Variants in TMEM266 observed in about 807,000 individuals in gnomAD.
The protein encoded by TMEM266 is transmembrane protein 266.
TMEM266 carries 33 observed loss-of-function variants against 50.5 expected under a neutral mutation model. That is an observed-to-expected ratio of 0.65 (90% CI 0.50 to 0.87). TMEM266 has a LOEUF of 0.87. TMEM266 is among the 40% of genes least tolerant of loss of function. The probability of loss-of-function intolerance (pLI) is 0.00; values close to 1 mark genes in which losing one functional copy is unlikely to be tolerated. For synonymous variants in TMEM266, 310 were observed against 292.3 expected, an observed-to-expected ratio of 1.06 and a Z score of -0.62; for missense variants, 655 against 695.1, an observed-to-expected ratio of 0.94 and a Z score of 0.65.
chr15:76,204,171 G>C lies in TMEM266; in HGVS notation c.1452G>C (p.Leu484=), dbSNP rs768713193. The change falls in exon 11 of 11, where the codon CTG becomes CTC. Residue 484 remains leucine, a synonymous_variant. Transcript: ENST00000388942. The stretch of plus-strand genomic sequence containing the variant: ...CCGAGCTGGAACACAGGGTAAGTCT[G>C]TTCAACCAGAAGAACCAGGAGGGCT... The C allele has an allele frequency of 6.2e-7, 1 of 1,613,740 alleles. No individual in the cohort carries two copies. The highest frequency in any genetic ancestry group is 8.5e-7 in the Non-Finnish European group (1 of 1,180,014).
intron 7 of TMEM266, 78 bp from the exon 8 acceptor site, chr15:76,175,481 C>T: frequency 8.8e-7 from 1 of 1,139,576 alleles, no homozygotes; most frequent in East Asian, 2.4e-5. Context: ...CTGCTGCTGC[C>T]TGAATGCTGG....
In TMEM266 at chr15:76,161,834, C is replaced by T. The variant is rs1208714166; in HGVS notation, c.456+1666C>T. On this transcript the variant is annotated intron_variant, in intron 5 of 10. Transcript: ENST00000388942. The surrounding 1 kb of genome is among the most constrained non-coding windows in gnomAD (Gnocchi z 4.1). ...TCTGCCCGGCCAGGATTCCCTCCCG[C>T]AAACACATGGGCCGTGGCCAGATGT... is the stretch of plus-strand genomic sequence containing the variant. Among the ~76,000 whole-genome samples, 1 of 152,234 alleles carries T rather than the reference C, an allele frequency of 6.6e-6. No individual in the cohort carries two copies. The highest frequency in any genetic ancestry group is 2.4e-5 in the African/African-American group (1 of 41,454).
chr15:76,137,220 CCA>C (rs1486839273), intron 2 of TMEM266, among the ~76,000 whole-genome samples: 1 of 152,176 alleles, frequency 6.6e-6, no homozygotes, highest in Non-Finnish European at 1.5e-5. Context: ...TCCTCAATCA[CCA>C]CAGTACATCC....
intron 8 of TMEM266, among the ~76,000 whole-genome samples, chr15:76,190,271 C>T (rs2038548381): frequency 6.6e-6 from 1 of 152,174 alleles, no homozygotes; most frequent in South Asian, 2.1e-4. Flanking sequence ...TGCTTGGTAT[C>T]TTTACAGAAC....
intron 1 of TMEM266, among the ~76,000 whole-genome samples, chr15:76,122,332 T>TAAA (rs1273526926): frequency 2.6e-5 from 4 of 152,164 alleles, no homozygotes; most frequent in African/African-American, 9.7e-5. Context: ...AACCACCAGG[T>TAAA]AAAAGGGTAA....
intron 8 of TMEM266, among the ~76,000 whole-genome samples, chr15:76,189,955 C>A (rs900197142): frequency 1.3e-5 from 2 of 152,360 alleles, no homozygotes; most frequent in Admixed American, 1.3e-4. Flanking sequence ...AGAGACCGAA[C>A]CTATAGACAC....
At chr15:76,108,170 A>C (rs2037114537) in intron 1 of TMEM266, among the ~76,000 whole-genome samples, 1 of 152,196 alleles carries the variant, frequency 6.6e-6, no homozygotes, top group African/African-American at 2.4e-5. Flanking sequence ...TGACAACTTG[A>C]GCCATTTCCC....
rs539719249 is a variant in TMEM266 at position 76,090,018 on chromosome 15, A to G, written c.-97+30002A>G. Among the ~76,000 whole-genome samples the G allele has an allele frequency of 3.9e-5, 6 of 152,304 alleles. No individual in the cohort carries two copies. The South Asian group carries it at 6.2e-4, about 16-fold the overall frequency. ...GAAACAGCCTTTGGATGGAGGTAAG[A>G]TAATCAGTTAAGATTTGGATAGACT... On this transcript the variant is annotated intron_variant, in intron 1 of 10. Transcript: ENST00000388942.
intron 8 of TMEM266, among the ~76,000 whole-genome samples, chr15:76,190,384 C>T (rs2038550237): frequency 2.0e-5 from 3 of 152,228 alleles, no homozygotes; most frequent in Admixed American, 1.3e-4. Flanking sequence ...TAAGCCAAAG[C>T]TAAGGAGCTC....
intron 1 of TMEM266, among the ~76,000 whole-genome samples, chr15:76,096,481 T>C (rs1324191588): frequency 6.6e-6 from 1 of 151,804 alleles, no homozygotes; most frequent in Non-Finnish European, 1.5e-5. Context: ...GAGACTGTTA[T>C]GATTTCTGTT....
intron 1 of TMEM266, among the ~76,000 whole-genome samples, chr15:76,115,263 T>C (rs1001513374): frequency 2.0e-5 from 3 of 152,222 alleles, no homozygotes; most frequent in African/African-American, 4.8e-5. Context: ...TGGGAATTCA[T>C]AGGGAACCGT....
At chr15:76,175,959 C>A (rs2038270699) in intron 8 of TMEM266, 1 of 303,970 alleles carries the variant, frequency 3.3e-6, no homozygotes, top group Non-Finnish European at 6.2e-6. Context: ...GCCAAGTCGC[C>A]CCCTCAGTTC....
chr15:76,174,699 G>T (rs1177191675), intron 7 of TMEM266, among the ~76,000 whole-genome samples: 1 of 152,216 alleles, frequency 6.6e-6, no homozygotes, highest in Admixed American at 6.5e-5. Flanking sequence ...CCCTAGGCAA[G>T]CACTAAGCTG....
intron 1 of TMEM266, among the ~76,000 whole-genome samples, chr15:76,063,586 A>G (rs916713509): frequency 6.6e-6 from 1 of 152,064 alleles, no homozygotes; most frequent in African/African-American, 2.4e-5. Flanking sequence ...CTCCCACAGC[A>G]TCCTTTCCTC....
At chr15:76,196,791 G>A (rs2038663569) in intron 9 of TMEM266, among the ~76,000 whole-genome samples, 1 of 152,060 alleles carries the variant, frequency 6.6e-6, no homozygotes, top group Non-Finnish European at 1.5e-5. Context: ...GTTGCCAGCA[G>A]GTCACAGTCA....
chr15:76,187,294 G>A (rs1379744357), intron 8 of TMEM266, among the ~76,000 whole-genome samples: 3 of 152,208 alleles, frequency 2.0e-5, no homozygotes, highest in East Asian at 1.9e-4. Flanking sequence ...GAATTCCAGC[G>A]GGACATTCTT....
rs541730219 is a variant in TMEM266, at chr15:76,089,824, T to A, written c.-97+29808T>A. Among the ~76,000 whole-genome samples, 8 of 152,144 alleles carry A rather than the reference T, an allele frequency of 5.3e-5. No homozygotes were observed. In the South Asian group the frequency reaches 1.7e-3, roughly 32 times the overall value. ...ATCTGAATTAGGGTAGCAGTGAGAC[T>A]AGAGAAGATGATGAAACTCCAGAGA... is the stretch of plus-strand genomic sequence containing the variant. On this transcript the variant is annotated intron_variant, in intron 1 of 10. Transcript: ENST00000388942.
chr15:76,197,469 T>TAATACTTTTAAAACAAGGGACCTAGAAA (rs2142087546), intron 9 of TMEM266, among the ~76,000 whole-genome samples: 1 of 152,360 alleles, frequency 6.6e-6, no homozygotes, highest in African/African-American at 2.4e-5. Context: ...TTGAAATTCT[T>TAATACTTTTAAAACAAGGGACCTAGAAA]AATACTTTTA....
intron 1 of TMEM266, among the ~76,000 whole-genome samples, chr15:76,105,266 A>G (rs1326121434): frequency 6.6e-6 from 1 of 152,116 alleles, no homozygotes. Context: ...TAAAGAAAAA[A>G]AAAGTTTTAT....
Sources: allele counts gnomAD v4.1 joint callset (sites outside exome capture counted in the v4.1 genomes callset), GRCh38; gene constraint gnomAD v4.1.1; non-coding constraint Gnocchi (gnomAD v3.1); transcripts MANE v1.5; gene names NCBI Gene and HGNC (gene_info 2026-07-23, HGNC 2026-07-21).